Variants in SEMA3A observed in about 807,000 individuals in gnomAD.
SEMA3A encodes semaphorin 3A, also known as semaphorin-3A.
In SEMA3A, 29 loss-of-function variants were observed where a neutral mutation model predicts 97.9. That is an observed-to-expected ratio of 0.30 (90% CI 0.22 to 0.40). The LOEUF (loss-of-function observed/expected upper bound fraction) is 0.40. SEMA3A is among the 10% of genes least tolerant of loss of function. SEMA3A has a pLI of 1.00. For missense variants in SEMA3A, 763 were observed against 951.3 expected (o/e 0.80, Z 2.60); for synonymous variants, 321 against 323.7 (o/e 0.99, Z 0.09).
chr7:84,342,009 A>T (rs1050292070), intron 2 of SEMA3A, among the ~76,000 whole-genome samples: 15 of 151,712 alleles, frequency 9.9e-5, no homozygotes, highest in African/African-American at 3.1e-4. Flanking sequence ...TTCCTAAATT[A>T]TCAAGTCAGA....
intron 1 of SEMA3A, among the ~76,000 whole-genome samples, chr7:84,424,904 A>AACATAAATATATATATATATTTATATTT (rs1405408727): frequency 7.8e-5 from 5 of 63,754 alleles, no homozygotes; most frequent in Non-Finnish European, 1.2e-4. Context: ...AATTTATATA[A>AACATAAATATATATATATATTTATATTT]ACATAAATAT....
At chr7:84,052,229 A>G (rs1372861420) in intron 5 of SEMA3A, among the ~76,000 whole-genome samples, 1 of 152,096 alleles carries the variant, frequency 6.6e-6, no homozygotes, top group Non-Finnish European at 1.5e-5. Context: ...GCCTCATAAA[A>G]TGAGTTAGGG....
At chr7:83,985,343 C>G in intron 13 of SEMA3A, 93 bp downstream of exon 13, 2 of 894,866 alleles carry the variant, frequency 2.2e-6, no homozygotes, top group Non-Finnish European at 3.5e-6. Flanking sequence ...TAATTGTTAA[C>G]AAATCTGTGA....
Position 84,030,151 on chromosome 7 carries a change from C to T in SEMA3A, c.668-15800G>A, listed in dbSNP as rs139785960. 2.7e-3 allele frequency among the ~76,000 whole-genome samples: 415 copies of T among 152,216 alleles called. 2 individuals carry two copies. The highest frequency in any genetic ancestry group is 9.2e-3 in the African/African-American group (382 of 41,556). ...GGATGAAGTAAACCAAGGCAGCAAA[C>T]CTTCATATCCTACAGCTAAATAATA... On this transcript the variant is annotated intron_variant, in intron 6 of 16. Coordinates refer to ENST00000265362, the MANE Select transcript of SEMA3A (RefSeq NM_006080.3).
intron 1 of SEMA3A, among the ~76,000 whole-genome samples, chr7:84,152,168 T>C (rs1796692022): frequency 6.6e-6 from 1 of 151,382 alleles, no homozygotes; most frequent in South Asian, 2.1e-4. Context: ...GAAATACCAT[T>C]TGACCCAGCC....
At chr7:84,196,210 G>T (rs982602353), upstream of SEMA3A, among the ~76,000 whole-genome samples, 1 of 151,854 alleles carries the variant, frequency 6.6e-6, no homozygotes, top group Non-Finnish European at 1.5e-5. Context: ...AAGGGAGAGA[G>T]TGAGTCTCAC....
At chr7:84,345,624 A>C (rs988700100) in intron 2 of SEMA3A, among the ~76,000 whole-genome samples, 1 of 152,190 alleles carries the variant, frequency 6.6e-6, no homozygotes, top group African/African-American at 2.4e-5. Context: ...ATACTCAAGA[A>C]ACCACTTTCT....
chr7:84,002,012 A>C lies in SEMA3A; in HGVS notation c.1395T>G (p.Pro465=), dbSNP rs935206718. 9.3e-6 allele frequency: 15 copies of C among 1,612,118 alleles called. No individual in the cohort carries two copies. Among genetic ancestry groups the C allele is most frequent in the Non-Finnish European group, 1.3e-5 (15 of 1,179,016 alleles). The change falls in exon 12 of 17, where the codon CCT becomes CCG. Residue 465 remains proline, a synonymous_variant. Coordinates refer to ENST00000265362, the MANE Select transcript of SEMA3A (RefSeq NM_006080.3). ...VGTVLKVVSI[P]KETWYDLEEV... is the part of the protein sequence containing the mutation. ...CTTCTAAATCATACCAAGTCTCCTT[A>C]GGAATTGAAACTACTTTAAGAACGG...
intron 5 of SEMA3A, among the ~76,000 whole-genome samples, chr7:84,048,619 A>T (rs1792458464): frequency 6.6e-6 from 1 of 152,008 alleles, no homozygotes; most frequent in South Asian, 2.1e-4. Context: ...TCCTTAAAAA[A>T]ATCGAAAAAA....
chr7:84,463,300 G>A (rs370939940), intron 1 of SEMA3A, among the ~76,000 whole-genome samples: 1 of 135,966 alleles, frequency 7.4e-6, no homozygotes, highest in East Asian at 2.1e-4. Context: ...ACAGGCTGGA[G>A]TGCAGTGGCG....
In SEMA3A at chr7:83,961,537, G is replaced by C; in HGVS notation, c.2150C>G (p.Thr717Arg). 6.2e-7 allele frequency: 1 copy of C among 1,614,078 alleles called. No homozygotes were observed. The highest frequency in any genetic ancestry group is 1.3e-5 in the African/African-American group (1 of 75,028). ...MQLINHPNLN[T>R]MDEFCEQVWK... ...AACTTGTTCACAGAACTCATCCATT[G>C]TGTTGAGATTGGGGTGGTTGATGAG... Residue 717 changes from threonine (T) to arginine (R), a missense_variant, in exon 17 of 17, where the codon ACA becomes AGA. This residue lies in a region of SEMA3A where 678 missense variants were observed against 881.3 expected (regional missense o/e 0.77). Transcript: ENST00000265362.
At chr7:84,329,714 A>T (rs939157597) in intron 2 of SEMA3A, among the ~76,000 whole-genome samples, 2 of 152,072 alleles carry the variant, frequency 1.3e-5, no homozygotes, top group Non-Finnish European at 2.9e-5. Flanking sequence ...TACCCTTATA[A>T]AATACAGTGC....
intron 1 of SEMA3A, among the ~76,000 whole-genome samples, chr7:84,180,821 T>A (rs2116235417): frequency 6.6e-6 from 1 of 152,316 alleles, no homozygotes; most frequent in Middle Eastern, 3.4e-3. Flanking sequence ...TTTGTCCCAG[T>A]TTCTTACAGG....
intron 3 of SEMA3A, among the ~76,000 whole-genome samples, chr7:84,286,057 T>A (rs762918901): frequency 6.6e-6 from 1 of 151,670 alleles, no homozygotes; most frequent in Non-Finnish European, 1.5e-5. Context: ...TCAAATTCAA[T>A]GTATAAACTG....
chr7:84,293,992 A>G (rs1688419991), intron 3 of SEMA3A, among the ~76,000 whole-genome samples: 2 of 152,074 alleles, frequency 1.3e-5, no homozygotes, highest in African/African-American at 4.8e-5. Flanking sequence ...AAAACATGTC[A>G]AAAGAAAGCC....
At chr7:84,010,400 GT>G (rs1790831240) in intron 9 of SEMA3A, among the ~76,000 whole-genome samples, 1 of 152,100 alleles carries the variant, frequency 6.6e-6, no homozygotes, top group African/African-American at 2.4e-5. Context: ...AGGTTTAAAG[GT>G]TTAAAGAATG....
intron 6 of SEMA3A, among the ~76,000 whole-genome samples, chr7:84,043,132 T>C (rs908595768): frequency 5.3e-5 from 8 of 151,964 alleles, no homozygotes; most frequent in African/African-American, 1.7e-4. Flanking sequence ...AAACCCTAAA[T>C]TAGGGTTTAT....
At chr7:84,096,121 C>A (rs1268610387) in intron 4 of SEMA3A, among the ~76,000 whole-genome samples, 1 of 151,900 alleles carries the variant, frequency 6.6e-6, no homozygotes, top group African/African-American at 2.4e-5. Flanking sequence ...AAAATTGTGG[C>A]TTTCATTCCC....
At chr7:84,450,197 G>A (rs185197001) in intron 1 of SEMA3A, among the ~76,000 whole-genome samples, 1 of 152,184 alleles carries the variant, frequency 6.6e-6, no homozygotes, top group African/African-American at 2.4e-5. Context: ...CACTAACAGA[G>A]TACAAGGGTC....
Sources: gnomAD v4.1 joint callset for allele counts (sites outside exome capture counted in the v4.1 genomes callset) on GRCh38, gnomAD v4.1.1 for gene constraint, gnomAD v4.1.1 regional missense constraint, MANE v1.5 for transcripts, NCBI Gene and HGNC (gene_info 2026-07-23, HGNC 2026-07-21) for gene names.